Variants in ERC1 observed in about 807,000 individuals in gnomAD.
ERC1 encodes ELKS/RAB6-interacting/CAST family member 1, also known as RAB6 interacting protein 2.
ERC1 carries 56 observed loss-of-function variants against 132.0 expected under a neutral mutation model. The observed-to-expected ratio is 0.42, with a 90% CI of 0.34 to 0.53. The LOEUF (loss-of-function observed/expected upper bound fraction) is 0.53. ERC1 is among the 20% of genes least tolerant of loss of function. ERC1 has a pLI of 0.03. For synonymous variants in ERC1, 478 were observed against 476.1 expected (o/e 1.00, Z -0.05); for missense variants, 1,202 against 1,349.9 (o/e 0.89, Z 1.72).
At chr12:1,354,166 G>T (rs1039225619) in intron 15 of ERC1, among the ~76,000 whole-genome samples, 2 of 151,734 alleles carry the variant, frequency 1.3e-5, no homozygotes, top group Non-Finnish European at 1.5e-5. Context: ...CTGATTGCAG[G>T]ACTGTCAGTA....
In ERC1 at chr12:1,282,876, A is replaced by G. The variant is rs556402478; in HGVS notation, c.2620-6976A>G. Among the ~76,000 whole-genome samples the G allele has an allele frequency of 2.3e-3, 349 of 152,248 alleles. 1 individual carries two copies. Among genetic ancestry groups the G allele is most frequent in the Non-Finnish European group, 2.6e-3 (180 of 68,012 alleles). ...CTGAACCTCTGGATAATCTTTTTGT[A>G]CCACTCCCTTTTTCTTCTAATTGTT... is the stretch of plus-strand genomic sequence containing the variant. On this transcript the variant is annotated intron_variant, in intron 14 of 18. Transcript: ENST00000360905.
intron 11 of ERC1, 129 bp from the exon 12 acceptor site, chr12:1,189,730 A>T: frequency 1.5e-6 from 1 of 656,726 alleles, no homozygotes; most frequent in South Asian, 3.1e-5. Context: ...AAACCTTATA[A>T]ATTACAAACT....
intron 18 of ERC1, among the ~76,000 whole-genome samples, chr12:1,463,211 T>C (rs1240976224): frequency 1.3e-5 from 2 of 152,098 alleles, no homozygotes; most frequent in African/African-American, 2.4e-5. Flanking sequence ...GATTAGGGGG[T>C]GTTAATGCTG....
chr12:1,241,858 T>C (rs957785537), intron 13 of ERC1, among the ~76,000 whole-genome samples: 6 of 135,936 alleles, frequency 4.4e-5, no homozygotes, highest in African/African-American at 1.6e-4. Context: ...TTTTTTTTTT[T>C]TTTTTTTTTT....
chr12:1,161,983 C>T (rs1337960480), intron 8 of ERC1, among the ~76,000 whole-genome samples: 1 of 152,106 alleles, frequency 6.6e-6, no homozygotes, highest in African/African-American at 2.4e-5. Flanking sequence ...ATTTTTTCTT[C>T]TGAGCACAAT....
intron 8 of ERC1, among the ~76,000 whole-genome samples, chr12:1,156,337 C>T (rs2154258343): frequency 6.6e-6 from 1 of 152,116 alleles, no homozygotes; most frequent in South Asian, 2.1e-4. Context: ...CTCCCAGGTT[C>T]AAACAGTTCT....
intron 18 of ERC1, among the ~76,000 whole-genome samples, chr12:1,489,542 A>C (rs1164716674): frequency 6.6e-6 from 1 of 152,228 alleles, no homozygotes; most frequent in Non-Finnish European, 1.5e-5. Flanking sequence ...AGGAATGTGA[A>C]AGAGGCTGTT....
In ERC1 at chr12:1,144,254, T is replaced by A. The variant is rs186556206; in HGVS notation, c.1737+2467T>A. Among the ~76,000 whole-genome samples, 505 of 152,328 alleles carry A rather than the reference T, an allele frequency of 3.3e-3. 5 individuals are homozygous for A. The highest frequency in any genetic ancestry group is 0.011 in the African/African-American group (439 of 41,570). ...GTGAATTAAAACTTAAACTTTTTTT[T>A]ATTATTTTTTGTTTCAGTAGTTTTT... On this transcript the variant is annotated intron_variant, in intron 8 of 18. Coordinates refer to ENST00000360905, the MANE Select transcript of ERC1 (RefSeq NM_178040.4).
intron 1 of ERC1, among the ~76,000 whole-genome samples, chr12:1,006,249 A>ACG (rs1963566837): frequency 6.6e-6 from 1 of 151,872 alleles, no homozygotes; most frequent in Non-Finnish European, 1.5e-5. Flanking sequence ...GAACCACTGC[A>ACG]CCTGGCCAGT....
At chr12:1,437,251 T>G (rs974143711) in intron 17 of ERC1, among the ~76,000 whole-genome samples, 1 of 152,212 alleles carries the variant, frequency 6.6e-6, no homozygotes, top group Non-Finnish European at 1.5e-5. Flanking sequence ...GCATACTGTA[T>G]GTACCCTTGA....
At chr12:1,360,948 A>G (rs1400524836) in intron 15 of ERC1, among the ~76,000 whole-genome samples, 1 of 151,910 alleles carries the variant, frequency 6.6e-6, no homozygotes, top group Non-Finnish European at 1.5e-5. Flanking sequence ...TAAGCTAGGT[A>G]TGGTGATGCC....
rs1958156622 is a variant in ERC1 at position 1,214,202 on chromosome 12, A to G, written c.2352-22567A>G. On this transcript the variant is annotated intron_variant, in intron 12 of 18. Transcript: ENST00000360905. ...TCTCCCAGGTAAACAGTATTTGCTT[A>G]TAATTTCTATAGTAGAGAGGTTAAA... 2.6e-5 allele frequency among the ~76,000 whole-genome samples: 4 copies of G among 152,320 alleles called. No homozygotes were observed. In the South Asian group the frequency reaches 8.3e-4, roughly 32 times the overall value.
chr12:1,345,792 T>G (rs2084393591), intron 15 of ERC1, among the ~76,000 whole-genome samples: 1 of 152,196 alleles, frequency 6.6e-6, no homozygotes, highest in African/African-American at 2.4e-5. Flanking sequence ...TCCCTGAATT[T>G]TTTGCTGTAT....
intron 3 of ERC1, among the ~76,000 whole-genome samples, chr12:1,093,213 G>T (rs1001498628): frequency 1.3e-5 from 2 of 152,120 alleles, no homozygotes; most frequent in African/African-American, 4.8e-5. Context: ...CCCAAAAGCC[G>T]AGAGGTAAAA....
Position 1,060,960 on chromosome 12 carries a change from G to A in ERC1, c.670-22204G>A, listed in dbSNP as rs568241310. 1.6e-4 allele frequency among the ~76,000 whole-genome samples: 24 copies of A among 151,968 alleles called. No homozygotes were observed. The East Asian group carries it at 2.9e-3, about 18-fold the overall frequency. The stretch of plus-strand genomic sequence containing the variant: ...CCAGGATGATCTCGATCTCCTGACC[G>A]CGTGATCCACCTGCCTCGGGCCCCC... On this transcript the variant is annotated intron_variant, in intron 2 of 18. Coordinates refer to ENST00000360905, the MANE Select transcript of ERC1 (RefSeq NM_178040.4).
At chr12:1,184,100 C>T (rs1461246493) in intron 11 of ERC1, among the ~76,000 whole-genome samples, 2 of 147,102 alleles carry the variant, frequency 1.4e-5, no homozygotes, top group Admixed American at 1.4e-4. Context: ...CGTGCCACTG[C>T]ACTCCAGCCT....
intron 18 of ERC1, among the ~76,000 whole-genome samples, chr12:1,477,349 C>G (rs2093994878): frequency 6.6e-6 from 1 of 152,192 alleles, no homozygotes; most frequent in Non-Finnish European, 1.5e-5. Context: ...ACCCTCCCCC[C>G]TTTTAAAGCT....
chr12:1,273,483 T>C (rs1019221969), intron 14 of ERC1, among the ~76,000 whole-genome samples: 23 of 152,232 alleles, frequency 1.5e-4, no homozygotes, highest in African/African-American at 5.5e-4. Flanking sequence ...TATTGGCTTC[T>C]GAAACCTCTG....
At chr12:1,317,590 A>G (rs1019742114) in intron 15 of ERC1, among the ~76,000 whole-genome samples, 3 of 151,850 alleles carry the variant, frequency 2.0e-5, no homozygotes, top group Non-Finnish European at 4.4e-5. Context: ...GCTGCTGTTG[A>G]ATTAGGTTAA....
Sources: gnomAD v4.1 joint callset for allele counts (sites outside exome capture counted in the v4.1 genomes callset) on GRCh38, gnomAD v4.1.1 for gene constraint, MANE v1.5 for transcripts, NCBI Gene and HGNC (gene_info 2026-07-23, HGNC 2026-07-21) for gene names.